The following RSU1 variants were observed in gnomAD, a reference collection of about 807,000 sequenced individuals.
RSU1 encodes rsu-1.
A neutral mutation model predicts 31.1 loss-of-function variants in RSU1; 26 were observed. The observed-to-expected ratio is 0.84, with a 90% CI of 0.61 to 1.16. The LOEUF is 1.16. RSU1 is among the 50% of genes most tolerant of loss of function. The pLI is 0.00. For missense variants in RSU1, 320 were observed against 339.1 expected, an observed-to-expected ratio of 0.94 and a Z score of 0.44; for synonymous variants, 164 against 136.3, an observed-to-expected ratio of 1.20 and a Z score of -1.41.
intron 8 of RSU1, 28 bp from the exon 9 acceptor site, chr10:16,593,524 A>T (rs1564279437): frequency 6.4e-7 from 1 of 1,569,690 alleles, no homozygotes; most frequent in Non-Finnish European, 8.8e-7. Context: ...GGACACTATC[A>T]GATCTATTTT....
At position 16,630,058 on chromosome 10, in the gene RSU1, A is replaced by T. The variant is rs539514870; in HGVS notation, c.732-36562T>A. Among the ~76,000 whole-genome samples the T allele has an allele frequency of 3.2e-4, 48 of 152,242 alleles. 1 individual carries two copies. The highest frequency in any genetic ancestry group is 3.4e-3 in the Middle Eastern group (1 of 294). On this transcript the variant is annotated intron_variant, in intron 8 of 8. Transcript: ENST00000345264. ...TATGGATGCTCTTTGTTTACTTTTT[A>T]AAGTTTTTAAATTTTTTTTTTTATT...
intron 3 of RSU1, among the ~76,000 whole-genome samples, chr10:16,778,604 T>C (rs1307322122): frequency 1.3e-5 from 2 of 152,072 alleles, no homozygotes; most frequent in Non-Finnish European, 2.9e-5. Context: ...AGAGTCTACA[T>C]GCAAGAGAGT....
At chr10:16,713,763 T>C (rs1836069467) in intron 7 of RSU1, among the ~76,000 whole-genome samples, 2 of 152,240 alleles carry the variant, frequency 1.3e-5, no homozygotes, top group East Asian at 1.9e-4. Flanking sequence ...TCACATTGCT[T>C]GTGTCCCTAT....
At chr10:16,772,775 G>A (rs987281904) in intron 3 of RSU1, among the ~76,000 whole-genome samples, 3 of 151,738 alleles carry the variant, frequency 2.0e-5, no homozygotes, top group African/African-American at 4.8e-5. Context: ...AATATATATG[G>A]ATGTATATCT....
chr10:16,723,232 A>G (rs1248785998), intron 7 of RSU1: 2 of 152,148 alleles, frequency 1.3e-5, no homozygotes, highest in Non-Finnish European at 2.9e-5. Context: ...ATACAGTCAG[A>G]CATAAAGGTT....
chr10:16,667,323 C>T (rs2131533281), intron 8 of RSU1, among the ~76,000 whole-genome samples: 1 of 152,228 alleles, frequency 6.6e-6, no homozygotes, highest in East Asian at 1.9e-4. Context: ...TTATCTTAAG[C>T]TAAATCTATT....
chr10:16,659,892 T>C (rs1834858057), intron 8 of RSU1, among the ~76,000 whole-genome samples: 2 of 152,222 alleles, frequency 1.3e-5, no homozygotes, highest in Admixed American at 6.5e-5. Context: ...AAGTGTAAAC[T>C]GTATCAGAGG....
Position 16,817,377 on chromosome 10 carries a change from G to C in RSU1, c.-66C>G. 2.6e-6 allele frequency: 1 copy of C among 379,082 alleles called. No homozygotes were observed. The highest frequency in any genetic ancestry group is 4.9e-6 in the Non-Finnish European group (1 of 203,064). The allele number at this position is 379,082 out of a possible 1,614,324, so 23.5% of individuals were successfully genotyped here. A position where few individuals can be genotyped will look rare whatever the true frequency, so the allele number is the denominator to read the frequency against. The stretch of plus-strand genomic sequence containing the variant: ...ACAAGCTTCGGCAGAACGCACTCCA[G>C]CTGCCCTCACTCCCTGCAACACCGG... On this transcript the variant is annotated 5_prime_UTR_variant, in exon 1 of 9. Coordinates refer to ENST00000345264, the MANE Select transcript of RSU1 (RefSeq NM_012425.4).
chr10:16,699,160 G>A (rs1046312789), intron 7 of RSU1, among the ~76,000 whole-genome samples: 3 of 152,056 alleles, frequency 2.0e-5, no homozygotes, highest in Admixed American at 6.5e-5. Context: ...GAAACCGCGC[G>A]AGCGAAACAG....
chr10:16,792,848 C>T (rs977155411), intron 2 of RSU1, among the ~76,000 whole-genome samples: 1 of 152,212 alleles, frequency 6.6e-6, no homozygotes, highest in African/African-American at 2.4e-5. Flanking sequence ...TAACCCTCAT[C>T]AGAGGCTCCA....
At chr10:16,729,910 T>C (rs1290023437) in intron 7 of RSU1, among the ~76,000 whole-genome samples, 11 of 152,196 alleles carry the variant, frequency 7.2e-5, no homozygotes, top group East Asian at 1.9e-4. Flanking sequence ...CCTGGGCTTA[T>C]GTCTTAGTCC....
chr10:16,698,263 C>A (rs549240774), intron 7 of RSU1, among the ~76,000 whole-genome samples: 8 of 152,028 alleles, frequency 5.3e-5, no homozygotes, highest in African/African-American at 1.7e-4. Context: ...TCCCTTCCGC[C>A]GAGTCCCAAG....
At chr10:16,757,699 G>T (rs1211083588) in intron 4 of RSU1, among the ~76,000 whole-genome samples, 1 of 152,228 alleles carries the variant, frequency 6.6e-6, no homozygotes, top group African/African-American at 2.4e-5. Context: ...CATGTGTCTG[G>T]AAACACCCCA....
At chr10:16,776,695 T>G (rs1837539992) in intron 3 of RSU1, among the ~76,000 whole-genome samples, 1 of 151,948 alleles carries the variant, frequency 6.6e-6, no homozygotes, top group South Asian at 2.1e-4. Context: ...TTTTGAAAAG[T>G]TTTACATAAA....
chr10:16,731,016 G>T (rs1311880055), intron 7 of RSU1, among the ~76,000 whole-genome samples: 1 of 151,978 alleles, frequency 6.6e-6, no homozygotes, highest in Non-Finnish European at 1.5e-5. Flanking sequence ...TAGAGATGGG[G>T]TTTCACCATG....
At chr10:16,803,314 T>C (rs74116724) in intron 2 of RSU1, among the ~76,000 whole-genome samples, 1,651 of 152,076 alleles carry the variant, frequency 0.011, 18 homozygotes, top group Admixed American at 0.017. Flanking sequence ...ATGTACAAGC[T>C]CTATATGAGA....
intron 7 of RSU1, among the ~76,000 whole-genome samples, chr10:16,714,729 A>G (rs1836100533): frequency 6.6e-6 from 1 of 152,112 alleles, no homozygotes; most frequent in African/African-American, 2.4e-5. Context: ...GTATAAGGAC[A>G]GCTAGGCCTC....
chr10:16,674,399 GTTT>G (rs79255856), intron 8 of RSU1, among the ~76,000 whole-genome samples: 5 of 139,970 alleles, frequency 3.6e-5, no homozygotes, highest in East Asian at 2.1e-4. Context: ...GTCACGGAAG[GTTT>G]TTTTTTTTTT....
chr10:16,785,457 T>TATATAC (rs879683799), intron 2 of RSU1, among the ~76,000 whole-genome samples: 1 of 122,712 alleles, frequency 8.1e-6, no homozygotes, highest in Non-Finnish European at 1.6e-5. Context: ...TATACATATA[T>TATATAC]ACATATATAT....
Sources: allele counts gnomAD v4.1 joint callset (sites outside exome capture counted in the v4.1 genomes callset), GRCh38; gene constraint gnomAD v4.1.1; transcripts MANE v1.5; gene names NCBI Gene and HGNC (gene_info 2026-07-23, HGNC 2026-07-21).